The following IL1RAPL2 variants were observed in gnomAD, a reference collection of about 807,000 sequenced individuals.
IL1RAPL2 encodes the protein interleukin 1 receptor accessory protein like 2, also known as X-linked interleukin-1 receptor accessory protein-like 2.
In IL1RAPL2, 3 loss-of-function variants were observed where a neutral mutation model predicts 44.1. That is an observed-to-expected ratio of 0.07 (90% CI 0.03 to 0.18). IL1RAPL2 has a LOEUF of 0.18. Among genes scored for constraint, IL1RAPL2 ranks in the 10% least tolerant of loss-of-function variants. IL1RAPL2 has a pLI of 1.00. For missense variants in IL1RAPL2, 391 were observed against 496.4 expected (o/e 0.79, Z 2.02); for synonymous variants, 181 against 178.8 (o/e 1.01, Z -0.10).
chrX:105,668,383 A>C (rs1430045784), intron 6 of IL1RAPL2, among the ~76,000 whole-genome samples: 4 of 112,709 alleles, frequency 3.5e-5, no homozygotes, highest in Admixed American at 9.3e-5. Flanking sequence ...TTTCCACTTA[A>C]GAGGAAAAAA....
At chrX:104,914,963 C>T (rs1268154119) in intron 2 of IL1RAPL2, among the ~76,000 whole-genome samples, 1 of 111,648 alleles carries the variant, frequency 9.0e-6, no homozygotes, top group Non-Finnish European at 1.9e-5. Context: ...TCCAGTCTAT[C>T]ATAGTTGGAC....
At chrX:105,435,783 A>G (rs762048693) in intron 5 of IL1RAPL2, among the ~76,000 whole-genome samples, 1 of 111,469 alleles carries the variant, frequency 9.0e-6, no homozygotes, top group Non-Finnish European at 1.9e-5. Flanking sequence ...TCAGCAAACT[A>G]AGACAGGAAC....
intron 5 of IL1RAPL2, among the ~76,000 whole-genome samples, chrX:105,270,143 A>C (rs973141428): frequency 5.4e-5 from 6 of 111,651 alleles, no homozygotes; most frequent in African/African-American, 2.0e-4. Context: ...AATTTAGTAC[A>C]TCAGTAAGAC....
At chrX:104,942,891 G>A (rs1383739033) in intron 2 of IL1RAPL2, among the ~76,000 whole-genome samples, 1 of 111,704 alleles carries the variant, frequency 9.0e-6, no homozygotes, top group Admixed American at 9.5e-5. Flanking sequence ...TTTATTGAGA[G>A]TTTTTAGCAT....
chrX:105,233,279 G>A (rs1165753295), intron 3 of IL1RAPL2, among the ~76,000 whole-genome samples: 3 of 111,494 alleles, frequency 2.7e-5, no homozygotes, highest in Non-Finnish European at 3.8e-5. Context: ...GCGAGGCGCC[G>A]TCTCAAAAAA....
intron 1 of IL1RAPL2, among the ~76,000 whole-genome samples, chrX:104,585,355 T>TA (rs1758792161): frequency 5.0e-5 from 1 of 20,018 alleles, no homozygotes; most frequent in Admixed American, 9.5e-4. Context: ...ATATATATTA[T>TA]ATATATTATA....
intron 2 of IL1RAPL2, among the ~76,000 whole-genome samples, chrX:105,076,451 T>C (rs371523107): frequency 5.4e-5 from 6 of 111,538 alleles, no homozygotes; most frequent in Non-Finnish European, 9.4e-5. Context: ...CTGAGGAGTG[T>C]TTTACATCCA....
intron 6 of IL1RAPL2, among the ~76,000 whole-genome samples, chrX:105,569,175 G>A (rs1351857982): frequency 9.0e-6 from 1 of 111,474 alleles, no homozygotes; most frequent in Non-Finnish European, 1.9e-5. Context: ...TATAAAGTAT[G>A]GATAATTAAA....
chrX:104,761,953 T>C (rs747786601), intron 2 of IL1RAPL2, among the ~76,000 whole-genome samples: 4 of 89,554 alleles, frequency 4.5e-5, no homozygotes, highest in South Asian at 5.5e-4. Flanking sequence ...TTCTTCTTCT[T>C]CTTCTTCTTC....
chrX:104,892,072 G>T (rs999577309), intron 2 of IL1RAPL2, among the ~76,000 whole-genome samples: 3 of 111,533 alleles, frequency 2.7e-5, no homozygotes, highest in East Asian at 2.8e-4. Flanking sequence ...TTCGTCTTTG[G>T]TTCTGTTTAT....
intron 1 of IL1RAPL2, among the ~76,000 whole-genome samples, chrX:104,582,860 C>CTTTCTTTT (rs1569487711): frequency 1.9e-4 from 14 of 73,973 alleles, no homozygotes; most frequent in African/African-American, 7.6e-4. Flanking sequence ...TTCTTTCTTT[C>CTTTCTTTT]TTTCTTTCTT....
chrX:104,867,072 A>G (rs919066110), intron 2 of IL1RAPL2, among the ~76,000 whole-genome samples: 5 of 108,737 alleles, frequency 4.6e-5, no homozygotes, highest in Non-Finnish European at 9.5e-5. Context: ...CGTCTTTACT[A>G]AAAATACAAA....
At chrX:105,082,096 G>A (rs966408305) in intron 2 of IL1RAPL2, among the ~76,000 whole-genome samples, 8 of 111,432 alleles carry the variant, frequency 7.2e-5, no homozygotes, top group Admixed American at 6.7e-4. Context: ...CTGTGAATCT[G>A]TCTGGTCCTG....
intron 3 of IL1RAPL2, among the ~76,000 whole-genome samples, chrX:105,218,522 A>AG (rs2033890360): frequency 9.0e-6 from 1 of 111,368 alleles, no homozygotes; most frequent in Non-Finnish European, 1.9e-5. Context: ...TCTAAGGCCT[A>AG]GATGCGAGTA....
intron 2 of IL1RAPL2, among the ~76,000 whole-genome samples, chrX:104,867,008 A>G (rs1922633403): frequency 9.1e-6 from 1 of 110,076 alleles, no homozygotes; most frequent in African/African-American, 3.3e-5. Context: ...TAAAACCTTT[A>G]TATATGCTTT....
intron 2 of IL1RAPL2, among the ~76,000 whole-genome samples, chrX:105,125,447 G>A (rs1336058303): frequency 9.1e-6 from 1 of 110,497 alleles, no homozygotes; most frequent in Non-Finnish European, 1.9e-5. Flanking sequence ...TGTCTAAATG[G>A]CTATTGCAAT....
At chrX:104,675,901 A>C (rs1930740942) in intron 2 of IL1RAPL2, among the ~76,000 whole-genome samples, 1 of 106,157 alleles carries the variant, frequency 9.4e-6, no homozygotes, top group Non-Finnish European at 2.0e-5. Flanking sequence ...AGTCTGTTTT[A>C]TCAGAGACTA....
At chrX:105,328,762 A>G (rs1299280680) in intron 5 of IL1RAPL2, among the ~76,000 whole-genome samples, 1 of 112,154 alleles carries the variant, frequency 8.9e-6, no homozygotes, top group Non-Finnish European at 1.9e-5. Context: ...GACTTCTTCT[A>G]TGTTTAGATA....
rs182976114 is a variant in IL1RAPL2 at position 104,892,545 on chromosome X, T to C, written c.82+233550T>C. Among the ~76,000 whole-genome samples, 3 of 112,123 alleles carry C rather than the reference T, an allele frequency of 2.7e-5. No homozygotes were observed. The East Asian group carries it at 8.4e-4, about 31-fold the overall frequency. Reference sequence around the variant, plus strand: ...GAGGGTGTATGTGCACAGGAATTTATCCATTTCTTCTAGATTTTCTAGTTT... The same window carrying C: ...GAGGGTGTATGTGCACAGGAATTTACCCATTTCTTCTAGATTTTCTAGTTT... On this transcript the variant is annotated intron_variant, in intron 2 of 10. Coordinates refer to ENST00000372582, the MANE Select transcript of IL1RAPL2 (RefSeq NM_017416.2).
Sources: gnomAD v4.1 joint callset for allele counts (sites outside exome capture counted in the v4.1 genomes callset) on GRCh38, gnomAD v4.1.1 for gene constraint, MANE v1.5 for transcripts, NCBI Gene and HGNC (gene_info 2026-07-23, HGNC 2026-07-21) for gene names.